DTNA: variants seen among roughly 807,000 people sequenced by gnomAD.
The protein encoded by DTNA is dystrobrevin alpha, also known as dystrophin-related protein 3.
Under a neutral mutation model 100.7 loss-of-function variants are expected in DTNA, and 43 were observed. The ratio of observed to expected loss-of-function variants is 0.43; its 90% confidence interval spans 0.33 to 0.55. The LOEUF (loss-of-function observed/expected upper bound fraction) is 0.55. Ranked by LOEUF, DTNA falls within the 20% of genes least tolerant of loss-of-function variation. The pLI, the probability that DTNA is intolerant of heterozygous loss-of-function variation, is 0.04. For synonymous variants in DTNA, 349 were observed against 347.9 expected (o/e 1.00, Z -0.04); for missense variants, 798 against 953.9 (o/e 0.84, Z 2.15).
chr18:34,534,281 T>C (rs969799219), intron 1 of DTNA, among the ~76,000 whole-genome samples: 4 of 152,060 alleles, frequency 2.6e-5, no homozygotes, highest in African/African-American at 9.7e-5. Flanking sequence ...TCAACTACTG[T>C]TCTTATATTA....
At chr18:34,854,739 T>C (rs560843138) in intron 15 of DTNA, among the ~76,000 whole-genome samples, 35 of 152,204 alleles carry the variant, frequency 2.3e-4, no homozygotes, top group South Asian at 1.2e-3. Flanking sequence ...GAGCCATCCA[T>C]TGGGGAAGGG....
At chr18:34,870,052 A>G (rs1025403692) in intron 17 of DTNA, among the ~76,000 whole-genome samples, 2 of 152,234 alleles carry the variant, frequency 1.3e-5, no homozygotes, top group African/African-American at 4.8e-5. Context: ...AATTAAGCTT[A>G]TGCTAATTTG....
At chr18:34,861,805 T>C (rs1035283510) in intron 16 of DTNA, among the ~76,000 whole-genome samples, 4 of 152,142 alleles carry the variant, frequency 2.6e-5, no homozygotes, top group African/African-American at 7.2e-5. Context: ...AAGATAAATG[T>C]ACAATTAGAT....
At chr18:34,672,616 T>G (rs2076907154) in intron 1 of DTNA, among the ~76,000 whole-genome samples, 1 of 152,218 alleles carries the variant, frequency 6.6e-6, no homozygotes, top group Non-Finnish European at 1.5e-5. Flanking sequence ...ATGTCTCATA[T>G]CTTCATATGT....
intron 1 of DTNA, among the ~76,000 whole-genome samples, chr18:34,544,350 C>T (rs1398589739): frequency 1.3e-5 from 2 of 152,022 alleles, no homozygotes; most frequent in African/African-American, 4.8e-5. Flanking sequence ...GAAACTCTTG[C>T]TATAGCTGAA....
intron 1 of DTNA, among the ~76,000 whole-genome samples, chr18:34,557,351 G>A (rs1270557424): frequency 2.7e-4 from 41 of 150,132 alleles, no homozygotes; most frequent in African/African-American, 8.9e-4. Context: ...ATCGTCTGAA[G>A]CCTTCTTCTC....
At chr18:34,861,407 A>G (rs1170278743) in intron 16 of DTNA, among the ~76,000 whole-genome samples, 6 of 148,102 alleles carry the variant, frequency 4.1e-5, no homozygotes, top group South Asian at 2.2e-4. Flanking sequence ...AATGGCGTGA[A>G]CCCGGGAGGC....
intron 1 of DTNA, among the ~76,000 whole-genome samples, chr18:34,749,643 A>AAATAATAATAATAAT (rs71166024): frequency 7.5e-4 from 30 of 39,810 alleles, no homozygotes; most frequent in African/African-American, 2.1e-3. Flanking sequence ...TCTCTCCAAA[A>AAATAATAATAATAAT]AATAATAATA....
intron 4 of DTNA, among the ~76,000 whole-genome samples, chr18:34,805,597 T>G (rs2095340556): frequency 2.6e-5 from 4 of 152,156 alleles, no homozygotes; most frequent in Non-Finnish European, 5.9e-5. Flanking sequence ...AGTGCTAGGA[T>G]TACAGACGTA....
intron 9 of DTNA, chr18:34,821,133 T>C: frequency 1.4e-6 from 1 of 693,428 alleles, no homozygotes. Context: ...ACTAACATAA[T>C]TCACCTGGAG....
At chr18:34,574,832 G>T (rs67378300) in intron 1 of DTNA, among the ~76,000 whole-genome samples, 15,577 of 152,002 alleles carry the variant, frequency 0.1, 1,174 homozygotes, top group African/African-American at 0.2. Flanking sequence ...GTAGACATGG[G>T]TTCTTGCTGT....
intron 1 of DTNA, among the ~76,000 whole-genome samples, chr18:34,622,863 C>T (rs922277701): frequency 6.6e-6 from 1 of 152,138 alleles, no homozygotes; most frequent in African/African-American, 2.4e-5. Context: ...ATCCCAAAGT[C>T]TCCAGCTTGC....
intron 5 of DTNA, among the ~76,000 whole-genome samples, chr18:34,809,010 A>T (rs1332426437): frequency 2.0e-5 from 3 of 152,180 alleles, no homozygotes; most frequent in Non-Finnish European, 4.4e-5. Flanking sequence ...AATCCTGGGA[A>T]GATGGTTTTA....
chr18:34,499,698 G>A (rs1217961937), intron 1 of DTNA, among the ~76,000 whole-genome samples: 2 of 152,148 alleles, frequency 1.3e-5, no homozygotes, highest in African/African-American at 4.8e-5. Flanking sequence ...ATTTCATTGT[G>A]ATTTCAATTT....
In DTNA at chr18:34,749,603, C is replaced by T. The variant is rs150167384; in HGVS notation, c.-1-6373C>T. Among the ~76,000 whole-genome samples, 25 of 149,632 alleles carry T rather than the reference C, an allele frequency of 1.7e-4. No individual in the cohort carries two copies. The East Asian group carries it at 4.5e-3, about 27-fold the overall frequency. On this transcript the variant is annotated intron_variant, in intron 1 of 22. Transcript: ENST00000444659. ...ATCCCGGATAACCCATCTAGCTGGT[C>T]GCTACACTAAAGTAGTGAGCTCATG...
chr18:34,681,731 C>CACACACACACACACACACACA (rs1491407771), intron 1 of DTNA, among the ~76,000 whole-genome samples: 41 of 148,154 alleles, frequency 2.8e-4, no homozygotes, highest in African/African-American at 1.0e-3. Context: ...CACACACACA[C>CACACACACACACACACACACA]CCCACACACA....
intron 6 of DTNA, among the ~76,000 whole-genome samples, chr18:34,813,841 C>CAAAA (rs34385959): frequency 8.2e-4 from 59 of 71,544 alleles, no homozygotes; most frequent in African/African-American, 2.7e-3. Context: ...GACTCCATCT[C>CAAAA]AAAAAAAAAA....
At chr18:34,678,835 GAA>G (rs1199067528) in intron 1 of DTNA, among the ~76,000 whole-genome samples, 1 of 152,040 alleles carries the variant, frequency 6.6e-6, no homozygotes, top group African/African-American at 2.4e-5. Context: ...GCTTAGTTAA[GAA>G]AAATTAACAG....
At chr18:34,882,891 A>G (rs148383963) in intron 21 of DTNA, among the ~76,000 whole-genome samples, 4 of 152,342 alleles carry the variant, frequency 2.6e-5, no homozygotes, top group African/African-American at 7.2e-5. Context: ...ATTTGCCCTC[A>G]GTCTTCCTCA....
Sources: gnomAD v4.1 joint callset for allele counts (sites outside exome capture counted in the v4.1 genomes callset) on GRCh38, gnomAD v4.1.1 for gene constraint, MANE v1.5 for transcripts, NCBI Gene and HGNC (gene_info 2026-07-23, HGNC 2026-07-21) for gene names.